The following INTS2 variants were observed in gnomAD, a reference collection of about 807,000 sequenced individuals.
The protein encoded by INTS2 is integrator complex subunit 2, also known as KIAA1287.
In INTS2, 57 loss-of-function variants were observed where a neutral mutation model predicts 139.6. The observed-to-expected ratio is 0.41, with a 90% CI of 0.33 to 0.51. The LOEUF is 0.51. Ranked by LOEUF, INTS2 falls within the 20% of genes least tolerant of loss-of-function variation. The probability of loss-of-function intolerance (pLI) is 0.28; values close to 1 mark genes in which losing one functional copy is unlikely to be tolerated. For missense variants in INTS2, 1,196 were observed against 1,436.7 expected (o/e 0.83, Z 2.71); for synonymous variants, 473 against 493.4 (o/e 0.96, Z 0.55).
At chr17:61,878,944 A>AAAAAAAAAAAAAC (rs2079151408) in intron 17 of INTS2, among the ~76,000 whole-genome samples, 2 of 137,278 alleles carry the variant, frequency 1.5e-5, no homozygotes, top group African/African-American at 6.9e-5. Context: ...AAAAAAAAAA[A>AAAAAAAAAAAAAC]AAAAAAAAAA....
chr17:61,879,864 T>C (rs1258213022), intron 17 of INTS2, among the ~76,000 whole-genome samples: 2 of 151,946 alleles, frequency 1.3e-5, no homozygotes, highest in Non-Finnish European at 2.9e-5. Context: ...AAAGAAAAAA[T>C]ATTGGCCATA....
At chr17:61,880,985 G>C in intron 17 of INTS2, 22 bp downstream of exon 17, 1 of 1,585,980 alleles carries the variant, frequency 6.3e-7, no homozygotes, top group Non-Finnish European at 8.7e-7. Flanking sequence ...GGGGTTAAAG[G>C]AGTATCAATA....
chr17:61,919,594 G>A, intron 4 of INTS2, 81 bp from the exon 5 acceptor site: 1 of 738,134 alleles, frequency 1.4e-6, no homozygotes, highest in Non-Finnish European at 2.3e-6. Flanking sequence ...TATTTTCTGT[G>A]GAGACTGAAT....
intron 16 of INTS2, among the ~76,000 whole-genome samples, chr17:61,881,928 T>C (rs2145914074): frequency 6.6e-6 from 1 of 152,298 alleles, no homozygotes; most frequent in South Asian, 2.1e-4. Flanking sequence ...GTTCAAGAGT[T>C]CAGGGTAGAG....
chr17:61,926,819 G>A (rs923843983), intron 1 of INTS2, 157 bp from the exon 2 acceptor site: 11 of 662,806 alleles, frequency 1.7e-5, no homozygotes, highest in Non-Finnish European at 2.7e-5. Flanking sequence ...TGTCTCCCTA[G>A]GTTTATACTG....
Position 61,897,472 on chromosome 17 carries a change from C to T in INTS2, c.1491G>A (p.Met497Ile), listed in dbSNP as rs1336059768. 1.3e-6 allele frequency: 2 copies of T among 1,541,790 alleles called. No homozygotes were observed. Among genetic ancestry groups the T allele is most frequent in the Admixed American group, 2.2e-5 (1 of 45,124 alleles). Reference protein sequence around the residue: ...IIDLVCSTLGMKIVIKPSSLS... With the variant: ...IIDLVCSTLGIKIVIKPSSLS... The stretch of plus-strand genomic sequence containing the variant: ...AAAGAAGTTAAAAGAAAATTACCTT[C>T]ATCCCCAAAGTGGAACAGACCAAGT... Residue 497 changes from methionine (M) to isoleucine (I), a missense_variant, in exon 11 of 25, where the codon ATG becomes ATA. Around this residue, in one of 3 missense-constraint regions of INTS2, gnomAD observed 1,129 missense variants for 1,341.9 expected, o/e 0.84. Transcript: ENST00000251334. The surrounding 1 kb of genome is among the most constrained non-coding windows in gnomAD (Gnocchi z 4.4).
intron 18 of INTS2, among the ~76,000 whole-genome samples, chr17:61,877,267 G>T (rs1000853646): frequency 5.3e-5 from 8 of 152,098 alleles, no homozygotes; most frequent in African/African-American, 1.7e-4. Flanking sequence ...TAGTCTCTGG[G>T]GAGCTAAAGT....
rs1014861277 is a variant in INTS2 at position 61,881,299 on chromosome 17, C to CA, written c.2090-129dup. On this transcript the variant is annotated intron_variant, in intron 16 of 24. Coordinates refer to ENST00000251334, the MANE Select transcript of INTS2 (RefSeq NM_001351695.2). ...GGTTATGCTCTAAGTCAGTGTTTCT[C>CA]AAAAAATGATTAGATGGCCGGGCGC... The CA allele has an allele frequency of 1.4e-5, 11 of 760,242 alleles. No homozygotes were observed. In the African/African-American group the frequency reaches 1.8e-4, roughly 12 times the overall value. The allele number at this position is 760,242 out of a possible 1,614,324, so 47.1% of individuals were successfully genotyped here. A position where few individuals can be genotyped will look rare whatever the true frequency, so the allele number is the denominator to read the frequency against.
chr17:61,911,887 G>GTTCTTGGA, intron 6 of INTS2, 53 bp downstream of exon 6: 6 of 1,574,468 alleles, frequency 3.8e-6, no homozygotes, highest in Non-Finnish European at 5.2e-6. Context: ...CTTGAGAAGA[G>GTTCTTGGA]TTCTTGGACC....
rs148487046 is a variant in INTS2 at position 61,896,933 on chromosome 17, C to T, written c.1494+536G>A. On this transcript the variant is annotated intron_variant, in intron 11 of 24. Coordinates refer to ENST00000251334, the MANE Select transcript of INTS2 (RefSeq NM_001351695.2). ...AGAAATTTATCCTAAGAAAATAATC[C>T]AACAGGTGTATGAAGAGATACATGT... Among the ~76,000 whole-genome samples, 179 of 152,130 alleles carry T rather than the reference C, an allele frequency of 1.2e-3. 2 individuals are homozygous for T. The East Asian group carries it at 0.017, about 15-fold the overall frequency.
At chr17:61,925,836 CCAA>C (rs1309964797) in intron 2 of INTS2, among the ~76,000 whole-genome samples, 1 of 151,644 alleles carries the variant, frequency 6.6e-6, no homozygotes, top group Non-Finnish European at 1.5e-5. Context: ...ACCAGCCTGG[CCAA>C]CATGATGAAA....
At chr17:61,895,178 T>C in intron 12 of INTS2, 137 bp downstream of exon 12, 1 of 588,400 alleles carries the variant, frequency 1.7e-6, no homozygotes, top group Non-Finnish European at 3.0e-6. Flanking sequence ...TAAGAAAGTT[T>C]CAAAGATGAA....
chr17:61,885,155 C>T (rs1031132605), intron 15 of INTS2, 150 bp from the exon 16 acceptor site: 43 of 607,918 alleles, frequency 7.1e-5, no homozygotes, highest in African/African-American at 2.8e-4. Context: ...AGAATCATTA[C>T]GAAAACAAGT....
intron 15 of INTS2, among the ~76,000 whole-genome samples, chr17:61,886,749 G>T (rs1198816779): frequency 6.6e-6 from 1 of 152,136 alleles, no homozygotes; most frequent in Non-Finnish European, 1.5e-5. Context: ...CTCAATCAGG[G>T]TGTTTGTAAT....
At position 61,927,814 on chromosome 17, in the gene INTS2, C is replaced by CA; in HGVS notation, c.-180dup. The stretch of plus-strand genomic sequence containing the variant: ...CGAGTCGACTCGGACACCAAGAACT[C>CA]AGACGCCGGGACCAACCGGGTTGTC... On this transcript the variant is annotated 5_prime_UTR_variant, in exon 1 of 25. It removes the in-frame stop codon of an upstream open reading frame in the 5' UTR. Transcript: ENST00000251334. 6.2e-7 allele frequency: 1 copy of CA among 1,610,040 alleles called. No individual in the cohort carries two copies.
At chr17:61,908,010 G>A (rs1037492949) in intron 7 of INTS2, among the ~76,000 whole-genome samples, 4 of 152,102 alleles carry the variant, frequency 2.6e-5, no homozygotes, top group African/African-American at 9.7e-5. Flanking sequence ...ACTATTAGAC[G>A]ATTATATACC....
At position 61,872,267 on chromosome 17, in the gene INTS2, G is replaced by A. The variant is rs1235777149; in HGVS notation, c.2776C>T (p.Gln926Ter). ...EELKNALLAA[Q>*]DSAAVQILLE... is the part of the protein sequence containing the mutation. ...AATTTTACTTTAGCAAAATTTACCT[G>A]AGCGGCCAGTAATGCATTTTTCAAT... The change falls in exon 20 of 25, where the codon CAG becomes TAG. Residue 926 changes from glutamine (Q) to a stop codon, truncating the protein, a stop_gained and splice_region_variant. Coordinates refer to ENST00000251334, the MANE Select transcript of INTS2 (RefSeq NM_001351695.2). LOFTEE classifies it high-confidence loss of function. This position sits in a 1 kb window ranked among gnomAD's most constrained non-coding sequence, Gnocchi z 4.8. 1 of 1,606,778 alleles carries A rather than the reference G, an allele frequency of 6.2e-7. No individual in the cohort carries two copies. The highest frequency in any genetic ancestry group is 8.5e-7 in the Non-Finnish European group (1 of 1,175,224).
chr17:61,883,685 A>G (rs1471879047), intron 16 of INTS2, among the ~76,000 whole-genome samples: 1 of 151,760 alleles, frequency 6.6e-6, no homozygotes, highest in East Asian at 1.9e-4. Flanking sequence ...CTGGGAGAAG[A>G]AAGTTGAAGT....
chr17:61,893,959 G>C lies in INTS2; in HGVS notation c.1564-60C>G. ...AACTAAATATAAAATTATTTTGAAAGAGAGATTAGTAAGTAGACTGTCAAC... is the reference window on the plus strand; with the variant it reads ...AACTAAATATAAAATTATTTTGAAACAGAGATTAGTAAGTAGACTGTCAAC... On this transcript the variant is annotated intron_variant, in intron 12 of 24. Transcript: ENST00000251334. The surrounding 1 kb of genome is among the most constrained non-coding windows in gnomAD (Gnocchi z 5.4). The C allele has an allele frequency of 8.3e-7, 1 of 1,207,512 alleles. No individual in the cohort carries two copies. Among genetic ancestry groups the C allele is most frequent in the Non-Finnish European group, 1.1e-6 (1 of 875,120 alleles). The allele number at this position is 1,207,512 out of a possible 1,614,324, so 74.8% of individuals were successfully genotyped here.
Sources: gnomAD v4.1 joint callset for allele counts (sites outside exome capture counted in the v4.1 genomes callset) on GRCh38, gnomAD v4.1.1 for gene constraint, gnomAD v4.1.1 regional missense constraint, Gnocchi (gnomAD v3.1) non-coding constraint, MANE v1.5 for transcripts, NCBI Gene and HGNC (gene_info 2026-07-23, HGNC 2026-07-21) for gene names.